ARL8A: variants seen among roughly 807,000 people sequenced by gnomAD.
ARL8A encodes the protein ADP-ribosylation factor-like protein 8A.
In ARL8A, 10 loss-of-function variants were observed where a neutral mutation model predicts 31.2. The ratio of observed to expected loss-of-function variants is 0.32; its 90% CI spans 0.20 to 0.54. ARL8A has a LOEUF of 0.54. ARL8A is among the 20% of genes least tolerant of loss of function. The probability of loss-of-function intolerance (pLI) is 0.93; values close to 1 mark genes in which losing one functional copy is unlikely to be tolerated. For missense variants in ARL8A, 129 were observed against 242.8 expected, an observed-to-expected ratio of 0.53 and a Z score of 3.12; for synonymous variants, 70 against 86.9, an observed-to-expected ratio of 0.81 and a Z score of 1.08.
At chr1:202,143,720 T>C in intron 1 of ARL8A, among the ~76,000 whole-genome samples, 1 of 152,232 alleles carries the variant, frequency 6.6e-6, no homozygotes, top group East Asian at 1.9e-4. Context: ...AAGGCCCCAG[T>C]GGGCCGTGCC....
intron 1 of ARL8A, among the ~76,000 whole-genome samples, chr1:202,141,328 T>A (rs963489557): frequency 1.3e-5 from 2 of 152,186 alleles, no homozygotes; most frequent in African/African-American, 4.8e-5. Context: ...GTTCCAACTA[T>A]CAGAAAGTTC....
rs761093633 is a variant in ARL8A, at chr1:202,135,223, G to A, written c.441-3C>T. The A allele has an allele frequency of 1.2e-6, 2 of 1,613,872 alleles. No individual in the cohort carries two copies. Among genetic ancestry groups the A allele is most frequent in the South Asian group, 1.1e-5 (1 of 91,086 alleles). On this transcript the variant is annotated splice_polypyrimidine_tract_variant and splice_region_variant and intron_variant, in intron 5 of 6. Transcript: ENST00000272217. This position sits in a 1 kb window ranked among gnomAD's most constrained non-coding sequence, Gnocchi z 5.3. ...GGTCCTGGATGGCAGACAGATTCCT[G>A]GGGGAAACCAGAGTAGAGTCCGCTG... is the stretch of plus-strand genomic sequence containing the variant.
chr1:202,141,370 G>A (rs912892209), intron 1 of ARL8A, among the ~76,000 whole-genome samples: 1 of 152,118 alleles, frequency 6.6e-6, no homozygotes, highest in Non-Finnish European at 1.5e-5. Context: ...GGCCGGACAT[G>A]GTGGCTCATA....
intron 3 of ARL8A, among the ~76,000 whole-genome samples, chr1:202,136,570 C>A (rs1487972870): frequency 1.3e-5 from 2 of 151,910 alleles, no homozygotes; most frequent in Non-Finnish European, 2.9e-5. Flanking sequence ...TGAGCCACCG[C>A]ATCCAGCCTA....
chr1:202,137,350 G>C (rs115083842), intron 3 of ARL8A, among the ~76,000 whole-genome samples: 2 of 152,142 alleles, frequency 1.3e-5, no homozygotes, highest in African/African-American at 4.8e-5. Flanking sequence ...TAAAAAGCAA[G>C]AGAGGGCTGC....
chr1:202,134,391 G>A lies in ARL8A; in HGVS notation c.*76C>T, dbSNP rs550086257. The A allele has an allele frequency of 7.0e-5, 104 of 1,481,850 alleles. 1 individual carries two copies. The highest frequency in any genetic ancestry group is 4.7e-4 in the Admixed American group (28 of 59,254). 91.8% of individuals were successfully genotyped at this position (1,481,850 alleles called of 1,614,324 possible). A position where few individuals can be genotyped will look rare whatever the true frequency, so the allele number is the denominator to read the frequency against. Reference sequence around the variant, plus strand: ...TGAGGAGGGGTGGGCTTAGGGGGACGACAGGGGTGGGCGGGGAGCTCGGCT... The same window carrying A: ...TGAGGAGGGGTGGGCTTAGGGGGACAACAGGGGTGGGCGGGGAGCTCGGCT... On this transcript the variant is annotated 3_prime_UTR_variant, in exon 7 of 7. Transcript: ENST00000272217. This position sits in a 1 kb window ranked among gnomAD's most constrained non-coding sequence, Gnocchi z 4.2.
Position 202,134,364 on chromosome 1 carries a change from G to T in ARL8A, c.*103C>A. 2 of 1,196,342 alleles carry T rather than the reference G, an allele frequency of 1.7e-6. No individual in the cohort carries two copies. The highest frequency in any genetic ancestry group is 2.5e-6 in the Non-Finnish European group (2 of 807,130). 74.1% of individuals were successfully genotyped at this position (1,196,342 alleles called of 1,614,324 possible). A position where few individuals can be genotyped will look rare whatever the true frequency, so the allele number is the denominator to read the frequency against. On this transcript the variant is annotated 3_prime_UTR_variant, in exon 7 of 7. Transcript: ENST00000272217. This position sits in a 1 kb window ranked among gnomAD's most constrained non-coding sequence, Gnocchi z 4.2. ...TCCCCAGAGGGCCCTCCTCACACTG[G>T]GTGAGGAGGGGTGGGCTTAGGGGGA...
intron 1 of ARL8A, among the ~76,000 whole-genome samples, chr1:202,140,389 C>T (rs926939586): frequency 2.0e-5 from 3 of 151,858 alleles, no homozygotes; most frequent in African/African-American, 7.3e-5. Flanking sequence ...GATCCGCCCA[C>T]CTCGGCCTCC....
rs1655238654 is a variant in ARL8A, at chr1:202,144,135, G to C, written c.123+315C>G. Among the ~76,000 whole-genome samples the C allele has an allele frequency of 1.3e-5, 2 of 152,266 alleles. No individual in the cohort carries two copies. Among genetic ancestry groups the C allele is most frequent in the Middle Eastern group, 6.8e-3 (2 of 294 alleles). Reference sequence around the variant, plus strand: ...GAGGGGGCCCGTCTCAGCCGGCAGCGGGTCCCTCCTGCTTCGAGAGCCCCT... The same window carrying C: ...GAGGGGGCCCGTCTCAGCCGGCAGCCGGTCCCTCCTGCTTCGAGAGCCCCT... On this transcript the variant is annotated intron_variant, in intron 1 of 6. Transcript: ENST00000272217. This position sits in a 1 kb window ranked among gnomAD's most constrained non-coding sequence, Gnocchi z 5.2.
At position 202,134,509 on chromosome 1, in the gene ARL8A, G is replaced by A. The variant is rs1248222286; in HGVS notation, c.519C>T (p.Thr173=). The change falls in exon 7 of 7, where the codon ACC becomes ACT. Residue 173 remains threonine, a synonymous_variant. Transcript: ENST00000272217. This position sits in a 1 kb window ranked among gnomAD's most constrained non-coding sequence, Gnocchi z 4.2. The part of the protein sequence containing the change: ...SCKEKDNIDI[T]LQWLIQHSKS... ...TCGAGTGTTGAATAAGCCACTGTAGGGTGATGTCTGATAGGAGAAAAGAGA... is the reference window on the plus strand; with the variant it reads ...TCGAGTGTTGAATAAGCCACTGTAGAGTGATGTCTGATAGGAGAAAAGAGA... The A allele has an allele frequency of 6.2e-7, 1 of 1,613,206 alleles. No homozygotes were observed. Among genetic ancestry groups the A allele is most frequent in the Non-Finnish European group, 8.5e-7 (1 of 1,179,234 alleles).
Position 202,144,480 on chromosome 1 carries a change from C to T in ARL8A, c.93G>A (p.Ser31=). Residue 31 remains serine (S), a synonymous_variant, in exon 1 of 7, where the codon TCG becomes TCA. Transcript: ENST00000272217. The surrounding 1 kb of genome is among the most constrained non-coding windows in gnomAD (Gnocchi z 5.2). The part of the protein sequence containing the change: ...MELTLVGLQY[S]GKTTFVNVIA... ...TCACGTTGACGAAGGTGGTCTTGCC[C>T]GAGTACTGAAGCCCGACCAGCGTGA... 1 of 1,477,482 alleles carries T rather than the reference C, an allele frequency of 6.8e-7. No individual in the cohort carries two copies. Among genetic ancestry groups the T allele is most frequent in the Non-Finnish European group, 9.1e-7 (1 of 1,095,768 alleles). The allele number at this position is 1,477,482 out of a possible 1,614,324, so 91.5% of individuals were successfully genotyped here. A position where few individuals can be genotyped will look rare whatever the true frequency, so the allele number is the denominator to read the frequency against.
At chr1:202,137,922 G>T (rs777291229) in intron 3 of ARL8A, 43 bp downstream of exon 3, 2 of 1,608,568 alleles carry the variant, frequency 1.2e-6, no homozygotes, top group African/African-American at 2.7e-5. Flanking sequence ...GGCTAGGGGG[G>T]CCGGGTAAGG....
In ARL8A at chr1:202,138,427, T is replaced by C. The variant is rs141232590; in HGVS notation, c.145A>G (p.Met49Val). The C allele has an allele frequency of 1.2e-6, 2 of 1,614,090 alleles. No homozygotes were observed. Among genetic ancestry groups the C allele is most frequent in the East Asian group, 2.2e-5 (1 of 44,884 alleles). ...VIASGQFNED[M>V]IPTVGFNMRK... Reference sequence around the variant, plus strand: ...ATGTTGAAACCCACGGTGGGGATCATGTCCTCGTTGAACTGTCCTGACTGG... The same window carrying C: ...ATGTTGAAACCCACGGTGGGGATCACGTCCTCGTTGAACTGTCCTGACTGG... The change falls in exon 2 of 7, where the codon ATG becomes GTG. Residue 49 changes from methionine (M) to valine (V), a missense_variant. Transcript: ENST00000272217. This position sits in a 1 kb window ranked among gnomAD's most constrained non-coding sequence, Gnocchi z 4.4.
intron 1 of ARL8A, among the ~76,000 whole-genome samples, chr1:202,140,129 G>T (rs1428621977): frequency 1.4e-5 from 2 of 143,522 alleles, no homozygotes; most frequent in Non-Finnish European, 3.1e-5. Context: ...AGACTGCTTT[G>T]ATTCCCTTTT....
Position 202,144,248 on chromosome 1 carries a change from G to T in ARL8A, c.123+202C>A, listed in dbSNP as rs1419488166. On this transcript the variant is annotated intron_variant, in intron 1 of 6. Coordinates refer to ENST00000272217, the MANE Select transcript of ARL8A (RefSeq NM_138795.4). The surrounding 1 kb of genome is among the most constrained non-coding windows in gnomAD (Gnocchi z 5.2). ...GTGCAGTACCGGCCCGGGTGAGAGA[G>T]CGGGTCGCGCGCCGCCCCGGTCCCC... Among the ~76,000 whole-genome samples the T allele has an allele frequency of 1.3e-5, 2 of 151,898 alleles. No individual in the cohort carries two copies. Among genetic ancestry groups the T allele is most frequent in the East Asian group, 2.0e-4 (1 of 5,128 alleles).
At chr1:202,141,378 A>G (rs978653697) in intron 1 of ARL8A, among the ~76,000 whole-genome samples, 19 of 152,188 alleles carry the variant, frequency 1.2e-4, no homozygotes, top group Non-Finnish European at 2.6e-4. Flanking sequence ...ATGGTGGCTC[A>G]TACCTGTAAT....
rs1288112416 is a variant in ARL8A, at chr1:202,144,130, GC to G, written c.123+319del. ...GGCCAGAGGGGGCCCGTCTCAGCCG[GC>G]AGCGGGTCCCTCCTGCTTCGAGAGC... On this transcript the variant is annotated intron_variant, in intron 1 of 6. Transcript: ENST00000272217. The surrounding 1 kb of genome is among the most constrained non-coding windows in gnomAD (Gnocchi z 5.2). Among the ~76,000 whole-genome samples, 3 of 152,180 alleles carry G rather than the reference GC, an allele frequency of 2.0e-5. No homozygotes were observed. Among genetic ancestry groups the G allele is most frequent in the Non-Finnish European group, 4.4e-5 (3 of 68,010 alleles).
Position 202,135,883 on chromosome 1 carries a change from G to A in ARL8A, c.279-83C>T. 7.7e-7 allele frequency: 1 copy of A among 1,298,942 alleles called. No homozygotes were observed. The allele number at this position is 1,298,942 out of a possible 1,614,324, so 80.5% of individuals were successfully genotyped here. On this transcript the variant is annotated intron_variant, in intron 3 of 6. Transcript: ENST00000272217. The surrounding 1 kb of genome is among the most constrained non-coding windows in gnomAD (Gnocchi z 5.3). ...AAGGAAGAGAAGGAGCTGCTGCTTG[G>A]AGGTGAAAGCATCTGTTGCAGCTTG...
chr1:202,139,660 T>G lies in ARL8A; in HGVS notation c.124-1212A>C, dbSNP rs1351611666. On this transcript the variant is annotated intron_variant, in intron 1 of 6. Coordinates refer to ENST00000272217, the MANE Select transcript of ARL8A (RefSeq NM_138795.4). ...TTTTTTTTTTTTTTTTTTTTTTTTT[T>G]TCTGAGACAGAGTCTCGCTCTATGG... Among the ~76,000 whole-genome samples the G allele has an allele frequency of 2.0e-4, 17 of 84,164 alleles. No homozygotes were observed. In the South Asian group the frequency reaches 5.0e-3, roughly 25 times the overall value. 55.2% of individuals were successfully genotyped at this position (84,164 alleles called of 152,430 possible). A position where few individuals can be genotyped will look rare whatever the true frequency, so the allele number is the denominator to read the frequency against.
Sources: gnomAD v4.1 joint callset for allele counts (sites outside exome capture counted in the v4.1 genomes callset) on GRCh38, gnomAD v4.1.1 for gene constraint, Gnocchi (gnomAD v3.1) non-coding constraint, MANE v1.5 for transcripts, NCBI Gene and HGNC (gene_info 2026-07-23, HGNC 2026-07-21) for gene names.